ZNF226: variants seen among roughly 807,000 people sequenced by gnomAD.
ZNF226 encodes zinc finger protein 226, also known as Kruppel-associated box protein.
Under a neutral mutation model 11.4 loss-of-function variants are expected in ZNF226, and 6 were observed. The observed-to-expected ratio is 0.53, with a 90% CI of 0.29 to 1.04. ZNF226 has a LOEUF of 1.04. Among genes scored for constraint, ZNF226 ranks in the 50% least tolerant of loss-of-function variants. The pLI is 0.08. For missense variants in ZNF226, 1,058 were observed against 956.5 expected (o/e 1.11, Z -1.40); for synonymous variants, 350 against 322.8 (o/e 1.08, Z -0.90).
chr19:44,176,631 A>T lies in ZNF226; in HGVS notation c.1369A>T (p.Ser457Cys). The change falls in exon 6 of 6, where the codon AGT (serine) becomes TGT (cysteine). Residue 457 changes from serine to cysteine, a missense_variant. Physicochemically the swap from Ser to Cys is moderately radical, Grantham distance 112 (BLOSUM62 -1). Coordinates refer to ENST00000337433, the MANE Select transcript of ZNF226 (RefSeq NM_001032373.2). ...ATGTGAGGAATGTGGTAAAGGCTTT[A>T]GTCGGCCTTCAAGTCTTCAGGCCCA... ...YKCEECGKGFSRPSSLQAHQG... is the reference protein window; with the variant it reads ...YKCEECGKGFCRPSSLQAHQG... 1 of 1,614,194 alleles carries T rather than the reference A, an allele frequency of 6.2e-7. No homozygotes were observed. The highest frequency in any genetic ancestry group is 8.5e-7 in the Non-Finnish European group (1 of 1,180,018).
At chr19:44,192,196 A>C in the ZNF226 span, among the ~76,000 whole-genome samples, 1 of 152,242 alleles carries the variant, frequency 6.6e-6, no homozygotes. Context: ...TACTGGAAGA[A>C]AATATTATTC....
rs755037945 is a variant in ZNF226 at position 44,175,513 on chromosome 19, G to A, written c.251G>A (p.Ser84Asn). 6.3e-7 allele frequency: 1 copy of A among 1,585,762 alleles called. No individual in the cohort carries two copies. The highest frequency in any genetic ancestry group is 8.5e-7 in the Non-Finnish European group (1 of 1,170,034). The change falls in exon 6 of 6, where the codon AGT becomes AAT. Residue 84 changes from serine (S) to asparagine (N), a missense_variant. By Grantham distance (46) the Ser-to-Asn change is conservative. Coordinates refer to ENST00000337433, the MANE Select transcript of ZNF226 (RefSeq NM_001032373.2). ...GTCCTTACAGGAGAGAAAAATCAAA[G>A]TAAGTTAATTACTGTTCAAGACAGA... Reference protein sequence around the residue: ...RQGNLGEKNQSKLITVQDRES... With the variant: ...RQGNLGEKNQNKLITVQDRES...
the ZNF226 span, among the ~76,000 whole-genome samples, chr19:44,186,374 C>T: frequency 2.0e-5 from 3 of 151,956 alleles, no homozygotes; most frequent in African/African-American, 7.2e-5. Context: ...TCTTAGATTT[C>T]TTCTTTTATT....
Position 44,176,233 on chromosome 19 carries a change from C to G in ZNF226, c.971C>G (p.Thr324Ser). Residue 324 changes from threonine to serine, a missense_variant, in exon 6 of 6, where the codon ACC (threonine) becomes AGC (serine). Physicochemically the swap from Thr to Ser is moderately conservative, Grantham distance 58. Coordinates refer to ENST00000337433, the MANE Select transcript of ZNF226 (RefSeq NM_001032373.2). ...TTCAGTCAGGGCGCTCATCTACAGA[C>G]CCATCAGAAAGTCCACGTGATAGAG... ...KEFSQGAHLQ[T>S]HQKVHVIEKP... The G allele has an allele frequency of 6.2e-7, 1 of 1,614,086 alleles. No homozygotes were observed. Among genetic ancestry groups the G allele is most frequent in the South Asian group, 1.1e-5 (1 of 91,080 alleles).
intron 3 of ZNF226, among the ~76,000 whole-genome samples, chr19:44,171,312 C>G (rs189269292): frequency 1.3e-5 from 2 of 152,264 alleles, no homozygotes. Flanking sequence ...GATTTAACAG[C>G]TGCTTCACCC....
chr19:44,175,099 C>A, intron 5 of ZNF226: 1 of 1,595,702 alleles, frequency 6.3e-7, no homozygotes, highest in South Asian at 1.1e-5. Context: ...TGGAAGGACT[C>A]ATATATGCAT....
chr19:44,166,009 G>A (rs1443552583), intron 2 of ZNF226, among the ~76,000 whole-genome samples: 1 of 152,146 alleles, frequency 6.6e-6, no homozygotes, highest in Non-Finnish European at 1.5e-5. Context: ...TGAGACATAA[G>A]AACATAACTT....
At chr19:44,191,388 T>G in the ZNF226 span, among the ~76,000 whole-genome samples, 2 of 152,184 alleles carry the variant, frequency 1.3e-5, no homozygotes, top group African/African-American at 4.8e-5. Flanking sequence ...ATCAGGACCA[T>G]CAGACCTTTT....
At chr19:44,165,405 C>A (rs751983030) in intron 1 of ZNF226, among the ~76,000 whole-genome samples, 4 of 152,102 alleles carry the variant, frequency 2.6e-5, no homozygotes, top group Non-Finnish European at 5.9e-5. Flanking sequence ...AATGAGCCAG[C>A]CCTACCACTT....
At chr19:44,185,464 T>G in the ZNF226 span, among the ~76,000 whole-genome samples, 1 of 152,254 alleles carries the variant, frequency 6.6e-6, no homozygotes, top group Non-Finnish European at 1.5e-5. Context: ...AGGTGATATC[T>G]CATTACAGTT....
chr19:44,186,286 T>A, the ZNF226 span, among the ~76,000 whole-genome samples: 7 of 152,060 alleles, frequency 4.6e-5, no homozygotes, highest in Non-Finnish European at 1.0e-4. Flanking sequence ...GTAAATCACT[T>A]TGTGTAGCAT....
Position 44,176,603 on chromosome 19 carries a change from T to A in ZNF226, c.1341T>A (p.Tyr447Ter), listed in dbSNP as rs1970703818. ...GAGTCCACACAGGAGAAAAACCCTATAAATGTGAGGAATGTGGTAAAGGCT... is the reference window on the plus strand; with the variant it reads ...GAGTCCACACAGGAGAAAAACCCTAAAAATGTGAGGAATGTGGTAAAGGCT... The part of the protein sequence containing the change: ...HQRVHTGEKP[Y>*]KCEECGKGFS... Residue 447 changes from tyrosine (Y) to a stop codon, truncating the protein, a stop_gained, in exon 6 of 6, where the codon TAT (tyrosine) becomes TAA (stop). Transcript: ENST00000337433. LOFTEE classifies it low-confidence loss of function (END_TRUNC). The A allele has an allele frequency of 6.2e-7, 1 of 1,613,888 alleles. No individual in the cohort carries two copies. Among genetic ancestry groups the A allele is most frequent in the Non-Finnish European group, 8.5e-7 (1 of 1,179,946 alleles).
rs1021102138 is a variant in ZNF226 at position 44,165,497 on chromosome 19, C to G, written c.-97-260C>G. 3 of 152,262 alleles carry G rather than the reference C, an allele frequency of 2.0e-5. No homozygotes were observed. In the East Asian group the frequency reaches 5.8e-4, roughly 29 times the overall value. 9.4% of individuals were successfully genotyped at this position (152,262 alleles called of 1,614,324 possible). ...GAAGGAAAATAAAAGCAAAAACTTC[C>G]TAATAGAATGTTTTGAGAGAAAACG... On this transcript the variant is annotated intron_variant, in intron 1 of 5. Transcript: ENST00000337433.
intron 2 of ZNF226, among the ~76,000 whole-genome samples, chr19:44,167,405 G>A (rs576240864): frequency 5.7e-4 from 77 of 134,570 alleles, no homozygotes; most frequent in African/African-American, 1.9e-3. Context: ...TGCAACCTCC[G>A]CCTCCCAGGT....
At chr19:44,192,866 A>G in the ZNF226 span, among the ~76,000 whole-genome samples, 1 of 152,162 alleles carries the variant, frequency 6.6e-6, no homozygotes, top group Non-Finnish European at 1.5e-5. Flanking sequence ...CTTTAAACAT[A>G]GGTGAATGGA....
chr19:44,173,119 GTTCT>G (rs1402590751), intron 5 of ZNF226, 167 bp downstream of exon 5: 14 of 609,854 alleles, frequency 2.3e-5, no homozygotes, highest in Non-Finnish European at 3.2e-5. Flanking sequence ...CTTACATTCT[GTTCT>G]TTAAGTGGCA....
In ZNF226 at chr19:44,176,363, G is replaced by C. The variant is rs764509648; in HGVS notation, c.1101G>C (p.Glu367Asp). 17 of 1,614,204 alleles carry C rather than the reference G, an allele frequency of 1.1e-5. No homozygotes were observed. The highest frequency in any genetic ancestry group is 1.6e-4 in the Middle Eastern group (1 of 6,062). ...HTAEKPYNCE[E>D]CGRAFSQASH... ...CAGAGAAACCTTATAATTGTGAGGA[G>C]TGTGGGAGGGCCTTCAGTCAGGCCT... is the stretch of plus-strand genomic sequence containing the variant. The change falls in exon 6 of 6, where the codon GAG becomes GAC. Residue 367 changes from glutamate to aspartate, a missense_variant. By Grantham distance (45) the Glu-to-Asp change is conservative. Coordinates refer to ENST00000337433, the MANE Select transcript of ZNF226 (RefSeq NM_001032373.2).
the ZNF226 span, among the ~76,000 whole-genome samples, chr19:44,185,578 C>G: frequency 6.6e-6 from 1 of 151,900 alleles, no homozygotes; most frequent in Admixed American, 6.6e-5. Context: ...GAACTTTGCC[C>G]ATTTCTTTCA....
chr19:44,191,540 T>C, the ZNF226 span, among the ~76,000 whole-genome samples: 1 of 152,208 alleles, frequency 6.6e-6, no homozygotes, highest in East Asian at 1.9e-4. Flanking sequence ...TACAAGATGA[T>C]ACCTCCTTTA....
Sources: allele counts gnomAD v4.1 joint callset (sites outside exome capture counted in the v4.1 genomes callset), GRCh38; gene constraint gnomAD v4.1.1; transcripts MANE v1.5; gene names NCBI Gene and HGNC (gene_info 2026-07-23, HGNC 2026-07-21).